Variants in CLNK observed in about 807,000 individuals in gnomAD.
CLNK encodes the protein cytokine dependent hematopoietic cell linker.
A neutral mutation model predicts 68.6 loss-of-function variants in CLNK; 74 were observed. The ratio of observed to expected loss-of-function variants is 1.08; its 90% confidence interval spans 0.89 to 1.31. The LOEUF (loss-of-function observed/expected upper bound fraction) is 1.31, where lower values mean the gene tolerates loss of function less well. Among genes scored for constraint, CLNK ranks in the 50% most tolerant of loss-of-function variants. The pLI, the probability that CLNK is intolerant of heterozygous loss-of-function variation, is 0.00. For synonymous variants in CLNK, 198 were observed against 172.2 expected (o/e 1.15, Z -1.17); for missense variants, 553 against 515.3 (o/e 1.07, Z -0.71).
chr4:10,630,351 G>GA (rs1344719810), intron 2 of CLNK, among the ~76,000 whole-genome samples: 7 of 152,086 alleles, frequency 4.6e-5, no homozygotes, highest in Admixed American at 4.6e-4. Flanking sequence ...CCTCCTCATG[G>GA]AAAAAAATGG....
intron 6 of CLNK, among the ~76,000 whole-genome samples, 180 bp downstream of exon 6, chr4:10,565,829 C>A (rs569478466): frequency 6.6e-6 from 1 of 152,212 alleles, no homozygotes; most frequent in South Asian, 2.1e-4. Context: ...TTATTATGAA[C>A]CCTGTTTTCA....
Position 10,501,341 on chromosome 4 carries a change from TAAAACACAGCCAA to T in CLNK, c.1042_1054del (p.Leu348MetfsTer8). The T allele has an allele frequency of 6.2e-7, 1 of 1,609,802 alleles. No homozygotes were observed. The highest frequency in any genetic ancestry group is 8.5e-7 in the Non-Finnish European group (1 of 1,178,712). ...TTTTACATTGTAGACTTTGTTCTCATAAAACACAGCCAAAACATAGGGCTCTTCCTTGGATTTT... is the reference window on the plus strand; with the variant it reads ...TTTTACATTGTAGACTTTGTTCTCATAACATAGGGCTCTTCCTTGGATTTT... On this transcript the variant is annotated frameshift_variant, in exon 18 of 19. Transcript: ENST00000226951. LOFTEE classifies it high-confidence loss of function.
At chr4:10,717,606 A>G in the CLNK span, among the ~76,000 whole-genome samples, 2 of 152,024 alleles carry the variant, frequency 1.3e-5, no homozygotes, top group African/African-American at 2.4e-5. Context: ...ACAAAACAGA[A>G]AAGCTGTATG....
intron 17 of CLNK, among the ~76,000 whole-genome samples, chr4:10,503,771 A>G (rs1449200026): frequency 1.0e-5 from 1 of 100,496 alleles, no homozygotes; most frequent in Non-Finnish European, 1.9e-5. Flanking sequence ...TCATTTAGAG[A>G]CTTTTTTTTT....
chr4:10,518,589 G>A (rs1717934718), intron 15 of CLNK, among the ~76,000 whole-genome samples: 1 of 152,138 alleles, frequency 6.6e-6, no homozygotes, highest in African/African-American at 2.4e-5. Flanking sequence ...AACCAAAACT[G>A]GGGCCTCTTC....
chr4:10,527,496 T>C (rs1363521863), intron 13 of CLNK, among the ~76,000 whole-genome samples: 3 of 152,228 alleles, frequency 2.0e-5, no homozygotes, highest in Admixed American at 6.5e-5. Context: ...GTGAACTCTT[T>C]GGGCTGTGAT....
intron 3 of CLNK, among the ~76,000 whole-genome samples, chr4:10,591,189 CTG>C (rs1721166021): frequency 6.6e-6 from 1 of 152,188 alleles, no homozygotes; most frequent in South Asian, 2.1e-4. Flanking sequence ...ATGCTTAGAA[CTG>C]TGTCTCACAG....
chr4:10,722,749 G>C, the CLNK span, among the ~76,000 whole-genome samples: 2 of 152,116 alleles, frequency 1.3e-5, no homozygotes, highest in African/African-American at 4.8e-5. Flanking sequence ...ATTTTCTGGG[G>C]TTTCAATACT....
At chr4:10,620,862 G>A (rs1384968859) in intron 2 of CLNK, among the ~76,000 whole-genome samples, 1 of 151,870 alleles carries the variant, frequency 6.6e-6, no homozygotes, top group Non-Finnish European at 1.5e-5. Flanking sequence ...CAGCACTTTG[G>A]GAGGCTGAGG....
chr4:10,734,064 C>G, the CLNK span, among the ~76,000 whole-genome samples: 1,547 of 152,306 alleles, frequency 0.01, 30 homozygotes, highest in African/African-American at 0.035. Flanking sequence ...CAATAAGCAT[C>G]TACTATGTGC....
chr4:10,694,615 T>C, the CLNK span, among the ~76,000 whole-genome samples: 1 of 152,150 alleles, frequency 6.6e-6, no homozygotes, highest in African/African-American at 2.4e-5. Context: ...CAGGAGGCTA[T>C]TGTTTCCTAG....
chr4:10,640,096 T>G (rs1285015130), intron 2 of CLNK, among the ~76,000 whole-genome samples: 1 of 152,226 alleles, frequency 6.6e-6, no homozygotes, highest in African/African-American at 2.4e-5. Flanking sequence ...TTCTTGTTTC[T>G]GAAGCCTCTG....
chr4:10,567,832 T>G (rs1720182871), intron 5 of CLNK, among the ~76,000 whole-genome samples: 1 of 152,182 alleles, frequency 6.6e-6, no homozygotes, highest in South Asian at 2.1e-4. Flanking sequence ...ATGCTCAATA[T>G]CATTAGCCAT....
intron 3 of CLNK, among the ~76,000 whole-genome samples, chr4:10,597,204 T>C (rs1440583347): frequency 6.6e-6 from 1 of 152,188 alleles, no homozygotes; most frequent in Non-Finnish European, 1.5e-5. Context: ...GATTCGAGGA[T>C]TGATAGAACT....
the CLNK span, among the ~76,000 whole-genome samples, chr4:10,731,853 A>T: frequency 4.6e-5 from 7 of 152,206 alleles, no homozygotes; most frequent in Admixed American, 6.5e-5. Flanking sequence ...ACCACATGCA[A>T]ATCTAACGTA....
At chr4:10,543,224 A>G (rs1254094792) in intron 8 of CLNK, among the ~76,000 whole-genome samples, 2 of 152,196 alleles carry the variant, frequency 1.3e-5, no homozygotes, top group African/African-American at 2.4e-5. Context: ...TTAAATGAAT[A>G]TGTGGGACAC....
Position 10,600,531 on chromosome 4 carries a change from C to T in CLNK, c.12-2482G>A, listed in dbSNP as rs530807634. Among the ~76,000 whole-genome samples, 128 of 152,300 alleles carry T rather than the reference C, an allele frequency of 8.4e-4. 1 individual carries two copies. The South Asian group carries it at 0.026, about 31-fold the overall frequency. On this transcript the variant is annotated intron_variant, in intron 2 of 18. Coordinates refer to ENST00000226951, the MANE Select transcript of CLNK (RefSeq NM_052964.4). ...TTGTTAAATGCCCTGTACATGCATT[C>T]ATTATGCATGTACATGTCCATATCC... is the stretch of plus-strand genomic sequence containing the variant.
intron 15 of CLNK, among the ~76,000 whole-genome samples, chr4:10,515,582 T>C (rs1717804214): frequency 6.6e-6 from 1 of 152,200 alleles, no homozygotes; most frequent in Non-Finnish European, 1.5e-5. Context: ...ATGAACAAAG[T>C]GAGCCTGACA....
chr4:10,668,949 G>A (rs1010481681), intron 1 of CLNK, among the ~76,000 whole-genome samples: 4 of 152,170 alleles, frequency 2.6e-5, no homozygotes, highest in Non-Finnish European at 5.9e-5. Context: ...GAGAGGAATA[G>A]GGTAGAGAGT....
Sources: gnomAD v4.1 joint callset for allele counts (sites outside exome capture counted in the v4.1 genomes callset) on GRCh38, gnomAD v4.1.1 for gene constraint, MANE v1.5 for transcripts, NCBI Gene and HGNC (gene_info 2026-07-23, HGNC 2026-07-21) for gene names.